The following TMEM132C variants were observed in gnomAD, a reference collection of about 807,000 sequenced individuals.
The protein encoded by TMEM132C is transmembrane protein 132C, also known as protein phosphatase 1, regulatory subunit 152.
In TMEM132C, 29 loss-of-function variants were observed where a neutral mutation model predicts 61.4. That is an observed-to-expected ratio of 0.47 (90% CI 0.35 to 0.64). The LOEUF (loss-of-function observed/expected upper bound fraction) is 0.64, where lower values mean the gene tolerates loss of function less well. Among genes scored for constraint, TMEM132C ranks in the 30% least tolerant of loss-of-function variants. The pLI, the probability that TMEM132C is intolerant of heterozygous loss-of-function variation, is 0.00. For synonymous variants in TMEM132C, 656 were observed against 633.1 expected, an observed-to-expected ratio of 1.04 and a Z score of -0.54; for missense variants, 1,408 against 1,476.9, an observed-to-expected ratio of 0.95 and a Z score of 0.76.
intron 4 of TMEM132C, among the ~76,000 whole-genome samples, chr12:128,625,104 A>T (rs1593124872): frequency 6.6e-6 from 1 of 152,198 alleles, no homozygotes; most frequent in East Asian, 1.9e-4. Flanking sequence ...CCCCCAGAGA[A>T]TCCACACGGC....
At chr12:128,374,387 C>T (rs1460422366) in intron 1 of TMEM132C, among the ~76,000 whole-genome samples, 11 of 152,142 alleles carry the variant, frequency 7.2e-5, no homozygotes, top group Admixed American at 2.6e-4. Context: ...TTGCTGCTGG[C>T]ACCCCTCAGA....
chr12:128,296,757 C>T (rs556154520), intron 1 of TMEM132C, among the ~76,000 whole-genome samples: 3 of 152,268 alleles, frequency 2.0e-5, no homozygotes, highest in Non-Finnish European at 4.4e-5. Flanking sequence ...CAAGAGTAGG[C>T]AAGAAATTCA....
Position 128,414,794 on chromosome 12 carries a change from C to A in TMEM132C, c.148C>A (p.Pro50Thr), listed in dbSNP as rs1319833587. The A allele has an allele frequency of 3.9e-6, 6 of 1,541,334 alleles. No homozygotes were observed. Among genetic ancestry groups the A allele is most frequent in the Non-Finnish European group, 5.2e-6 (6 of 1,146,924 alleles). ...QRFSSLPPYL[P>T]VSYHILRAET... ...ATTCTCCTCACTGCCACCTTACCTACCTGTGAGCTACCACATCCTCAGAGC... is the reference window on the plus strand; with the variant it reads ...ATTCTCCTCACTGCCACCTTACCTAACTGTGAGCTACCACATCCTCAGAGC... The change falls in exon 2 of 9, where the codon CCT becomes ACT. Residue 50 changes from proline to threonine, a missense_variant. Transcript: ENST00000435159.
In TMEM132C at chr12:128,706,289, G is replaced by A; in HGVS notation, c.3321G>A (p.Lys1107=). 6.5e-7 allele frequency: 1 copy of A among 1,527,624 alleles called. No individual in the cohort carries two copies. Among genetic ancestry groups the A allele is most frequent in the Non-Finnish European group, 8.8e-7 (1 of 1,134,284 alleles). The allele number at this position is 1,527,624 out of a possible 1,614,324, so 94.6% of individuals were successfully genotyped here. A position where few individuals can be genotyped will look rare whatever the true frequency, so the allele number is the denominator to read the frequency against. The change falls in exon 9 of 9, where the codon AAG becomes AAA. Residue 1107 remains lysine (K), a synonymous_variant. Coordinates refer to ENST00000435159, the MANE Select transcript of TMEM132C (RefSeq NM_001136103.3). ...LRNYLEKLKD[K]A ...ACTATCTGGAGAAACTCAAAGATAAGGCTTAGGCCCCTCTAGCCAAAGGGC... is the reference window on the plus strand; with the variant it reads ...ACTATCTGGAGAAACTCAAAGATAAAGCTTAGGCCCCTCTAGCCAAAGGGC...
At chr12:128,555,624 G>A (rs979603783) in intron 3 of TMEM132C, among the ~76,000 whole-genome samples, 2 of 152,116 alleles carry the variant, frequency 1.3e-5, no homozygotes, top group Non-Finnish European at 2.9e-5. Context: ...GTAGGCTTCA[G>A]GCCTTTGGCT....
chr12:128,596,911 T>C (rs1262372225), intron 3 of TMEM132C, among the ~76,000 whole-genome samples: 1 of 152,202 alleles, frequency 6.6e-6, no homozygotes, highest in Non-Finnish European at 1.5e-5. Context: ...AAGACCACTG[T>C]CTTCCGGGGA....
chr12:128,651,545 A>G (rs1405417613), intron 4 of TMEM132C, among the ~76,000 whole-genome samples: 1 of 152,220 alleles, frequency 6.6e-6, no homozygotes, highest in Non-Finnish European at 1.5e-5. Flanking sequence ...TTAAGCAACT[A>G]CTATGCCCAG....
chr12:128,695,232 C>T (rs148748256), intron 6 of TMEM132C, among the ~76,000 whole-genome samples: 250 of 152,246 alleles, frequency 1.6e-3, no homozygotes, highest in Non-Finnish European at 2.1e-3. Flanking sequence ...TTTAAATTAA[C>T]ATTAGGGCTG....
chr12:128,333,599 G>A (rs1474579304), intron 1 of TMEM132C, among the ~76,000 whole-genome samples: 2 of 151,456 alleles, frequency 1.3e-5, no homozygotes, highest in Non-Finnish European at 2.9e-5. Flanking sequence ...GATGTTGTGT[G>A]TATTTGTTAG....
intron 2 of TMEM132C, among the ~76,000 whole-genome samples, chr12:128,508,838 C>T (rs374169082): frequency 6.6e-6 from 1 of 152,198 alleles, no homozygotes; most frequent in South Asian, 2.1e-4. Flanking sequence ...TGAGGGTCAT[C>T]ATATCATACC....
At chr12:128,365,069 A>C (rs1390990322) in intron 1 of TMEM132C, among the ~76,000 whole-genome samples, 8 of 152,218 alleles carry the variant, frequency 5.3e-5, no homozygotes, top group Admixed American at 5.2e-4. Flanking sequence ...GACTTGGAGA[A>C]CTGGGGCATC....
At chr12:128,309,761 C>G (rs1871909507) in intron 1 of TMEM132C, among the ~76,000 whole-genome samples, 1 of 149,168 alleles carries the variant, frequency 6.7e-6, no homozygotes, top group East Asian at 2.0e-4. Flanking sequence ...GAGATGGAGT[C>G]TCGCTGCGTC....
At chr12:128,318,672 C>G (rs985391173) in intron 1 of TMEM132C, among the ~76,000 whole-genome samples, 5 of 152,142 alleles carry the variant, frequency 3.3e-5, no homozygotes, top group Non-Finnish European at 7.3e-5. Flanking sequence ...TAAATAAAAA[C>G]CAGTATTTCA....
At chr12:128,369,578 G>A (rs1873968447) in intron 1 of TMEM132C, among the ~76,000 whole-genome samples, 1 of 152,288 alleles carries the variant, frequency 6.6e-6, no homozygotes, top group Admixed American at 6.5e-5. Context: ...ACAGGCATTT[G>A]GCAGAGAGTA....
At chr12:128,687,732 A>G (rs543156926) in intron 5 of TMEM132C, among the ~76,000 whole-genome samples, 6 of 152,348 alleles carry the variant, frequency 3.9e-5, no homozygotes, top group East Asian at 1.9e-4. Flanking sequence ...TCCAGAGCTG[A>G]AAAGGAGATA....
intron 5 of TMEM132C, among the ~76,000 whole-genome samples, chr12:128,684,869 G>A (rs527445885): frequency 3.9e-5 from 6 of 152,166 alleles, no homozygotes; most frequent in Non-Finnish European, 7.3e-5. Flanking sequence ...TAATGAGAGA[G>A]ACCTCCTTAA....
At chr12:128,504,357 A>G (rs1157463889) in intron 2 of TMEM132C, among the ~76,000 whole-genome samples, 1 of 152,160 alleles carries the variant, frequency 6.6e-6, no homozygotes, top group Non-Finnish European at 1.5e-5. Context: ...TATCAATGGG[A>G]AGAATGTCAA....
Position 128,682,948 on chromosome 12 carries a change from G to T in TMEM132C, c.1450-10881G>T, listed in dbSNP as rs557888825. Among the ~76,000 whole-genome samples the T allele has an allele frequency of 1.9e-3, 293 of 152,230 alleles. 3 individuals are homozygous for T. Among genetic ancestry groups the T allele is most frequent in the African/African-American group, 6.8e-3 (284 of 41,524 alleles). On this transcript the variant is annotated intron_variant, in intron 5 of 8. Transcript: ENST00000435159. ...TTCCTTGGTTTGTAGAGGCATCACC[G>T]CATTCTCTGCCTGCATCTTCACATG...
chr12:128,408,942 C>G (rs750944007), intron 1 of TMEM132C, among the ~76,000 whole-genome samples: 1 of 152,038 alleles, frequency 6.6e-6, no homozygotes, highest in Non-Finnish European at 1.5e-5. Context: ...CATATGCTGG[C>G]GGGTTGCACA....
Sources: allele counts gnomAD v4.1 joint callset (sites outside exome capture counted in the v4.1 genomes callset), GRCh38; gene constraint gnomAD v4.1.1; transcripts MANE v1.5; gene names NCBI Gene and HGNC (gene_info 2026-07-23, HGNC 2026-07-21).